TMPPE: variants seen among roughly 807,000 people sequenced by gnomAD.
TMPPE encodes transmembrane protein with metallophosphoesterase domain.
In TMPPE, 16 loss-of-function variants were observed where a neutral mutation model predicts 22.6. The ratio of observed to expected loss-of-function variants is 0.71; its 90% CI spans 0.48 to 1.08. The LOEUF (loss-of-function observed/expected upper bound fraction) is 1.08. Among genes scored for constraint, TMPPE ranks in the 50% least tolerant of loss-of-function variants. The probability of loss-of-function intolerance (pLI) is 0.00; values close to 1 mark genes in which losing one functional copy is unlikely to be tolerated. For missense variants in TMPPE, 526 were observed against 584.3 expected, an observed-to-expected ratio of 0.90 and a Z score of 1.03; for synonymous variants, 240 against 245.3, an observed-to-expected ratio of 0.98 and a Z score of 0.20.
rs749092995 is a variant in TMPPE at position 33,094,049 on chromosome 3, G to C, written c.147C>G (p.Ala49=). Reference sequence around the variant, plus strand: ...TGAGCAAGAGCGAGTTGACAAACAGGGCAAGCTGCAAGCGAAGCAGCCAAC... The same window carrying C: ...TGAGCAAGAGCGAGTTGACAAACAGCGCAAGCTGCAAGCGAAGCAGCCAAC... ...AWRWLLRLQL[A]LFVNSLLLIG... Residue 49 remains alanine (A), a synonymous_variant, in exon 2 of 2, where the codon GCC becomes GCG. Transcript: ENST00000342462. The C allele has an allele frequency of 6.2e-7, 1 of 1,614,228 alleles. No individual in the cohort carries two copies. The highest frequency in any genetic ancestry group is 1.1e-5 in the South Asian group (1 of 91,086).
Position 33,092,140 on chromosome 3 carries a change from A to G in TMPPE, c.*694T>C. On this transcript the variant is annotated 3_prime_UTR_variant, in exon 2 of 2. Transcript: ENST00000342462. ...AGCCATGTTCTCACCATCACCGACC[A>G]TGGCGCCCACCGTTCTTCTCCCCTG... The G allele has an allele frequency of 1.0e-6, 1 of 985,592 alleles. No individual in the cohort carries two copies. The highest frequency in any genetic ancestry group is 1.2e-6 in the Non-Finnish European group (1 of 830,114). 61.1% of individuals were successfully genotyped at this position (985,592 alleles called of 1,614,324 possible).
At position 33,092,190 on chromosome 3, in the gene TMPPE, C is replaced by T. The variant is rs1329135857; in HGVS notation, c.*644G>A. ...GACCTTGCCCCCAAAGGCCCAGGAG[C>T]ACAGACAGTTAAATAGCATCCCTCA... On this transcript the variant is annotated 3_prime_UTR_variant, in exon 2 of 2. Coordinates refer to ENST00000342462, the MANE Select transcript of TMPPE (RefSeq NM_001039770.3). 13 of 985,702 alleles carry T rather than the reference C, an allele frequency of 1.3e-5. No homozygotes were observed. Among genetic ancestry groups the T allele is most frequent in the African/African-American group, 3.5e-5 (2 of 57,240 alleles). 61.1% of individuals were successfully genotyped at this position (985,702 alleles called of 1,614,324 possible). A position where few individuals can be genotyped will look rare whatever the true frequency, so the allele number is the denominator to read the frequency against.
At position 33,094,131 on chromosome 3, in the gene TMPPE, A is replaced by C; in HGVS notation, c.65T>G (p.Val22Gly). ...KATLAAVTVF[V>G]SMIASRSYLA... The stretch of plus-strand genomic sequence containing the variant: ...ATACGAGCGGGAGGCGATCATGGAC[A>C]CGAAGACAGTGACAGCAGCCAGGGT... The change falls in exon 2 of 2, where the codon GTG becomes GGG. Residue 22 changes from valine to glycine, a missense_variant. Val to Gly is a moderately radical substitution (Grantham distance 109). Coordinates refer to ENST00000342462, the MANE Select transcript of TMPPE (RefSeq NM_001039770.3). 6.2e-7 allele frequency: 1 copy of C among 1,613,828 alleles called. No individual in the cohort carries two copies. The highest frequency in any genetic ancestry group is 1.1e-5 in the South Asian group (1 of 91,074).
rs1700819615 is a variant in TMPPE at position 33,092,768 on chromosome 3, C to T, written c.*66G>A. 6.6e-7 allele frequency: 1 copy of T among 1,521,994 alleles called. No homozygotes were observed. The highest frequency in any genetic ancestry group is 1.4e-5 in the African/African-American group (1 of 72,142). The allele number at this position is 1,521,994 out of a possible 1,614,324, so 94.3% of individuals were successfully genotyped here. On this transcript the variant is annotated 3_prime_UTR_variant, in exon 2 of 2. Transcript: ENST00000342462. ...AGGCTGGAGGGGAAAAGCAGGCAAA[C>T]CACTCTGAAGCAGGATGGAGGGTCG...
At position 33,090,795 on chromosome 3, in the gene TMPPE, T is replaced by C. The variant is rs373575013; in HGVS notation, c.*2039A>G. ...GTGTTGATGTTGTTTCTCAGATACATAGGATGGACCTGTTTTCTTTCTGCT... is the reference window on the plus strand; with the variant it reads ...GTGTTGATGTTGTTTCTCAGATACACAGGATGGACCTGTTTTCTTTCTGCT... On this transcript the variant is annotated 3_prime_UTR_variant, in exon 2 of 2. Coordinates refer to ENST00000342462, the MANE Select transcript of TMPPE (RefSeq NM_001039770.3). The C allele has an allele frequency of 1.0e-5, 10 of 985,172 alleles. No individual in the cohort carries two copies. In the Admixed American group the frequency reaches 3.7e-4, roughly 36 times the overall value. The allele number at this position is 985,172 out of a possible 1,614,324, so 61.0% of individuals were successfully genotyped here.
Position 33,097,017 on chromosome 3 carries a change from G to C in TMPPE, c.-407C>G, listed in dbSNP as rs780964758. ...CCGGGTCCCGCAGACTTACGCGCAA[G>C]CCGCGCGTAGGGCCCAGAAGCAGCA... On this transcript the variant is annotated 5_prime_UTR_variant, in exon 1 of 2. Transcript: ENST00000342462. 28 of 1,612,190 alleles carry C rather than the reference G, an allele frequency of 1.7e-5. No individual in the cohort carries two copies. The highest frequency in any genetic ancestry group is 2.3e-5 in the Non-Finnish European group (27 of 1,178,928).
intron 1 of TMPPE, chr3:33,096,328 C>G (rs559856818): frequency 2.1e-6 from 2 of 945,376 alleles, no homozygotes; most frequent in Non-Finnish European, 2.5e-6. Flanking sequence ...TGTGCACGCC[C>G]CGCACCTCAC....
chr3:33,093,104 G>A lies in TMPPE; in HGVS notation c.1092C>T (p.Ile364=). 1 of 1,614,216 alleles carries A rather than the reference G, an allele frequency of 6.2e-7. No individual in the cohort carries two copies. The highest frequency in any genetic ancestry group is 8.5e-7 in the Non-Finnish European group (1 of 1,180,034). The change falls in exon 2 of 2, where the codon ATC becomes ATT. Residue 364 remains isoleucine (I), a synonymous_variant. Coordinates refer to ENST00000342462, the MANE Select transcript of TMPPE (RefSeq NM_001039770.3). The surrounding 1 kb of genome is among the most constrained non-coding windows in gnomAD (Gnocchi z 6.0). ...ALEGCSPDHT[I]ILLAHQPLAA... ...CCAGGGGCTGGTGAGCTAGCAAGAT[G>A]ATTGTGTGGTCTGGGCTGCAGCCCT...
chr3:33,093,638 C>A lies in TMPPE; in HGVS notation c.558G>T (p.Gln186His). Residue 186 changes from glutamine (Q) to histidine (H), a missense_variant, in exon 2 of 2, where the codon CAG becomes CAT. Coordinates refer to ENST00000342462, the MANE Select transcript of TMPPE (RefSeq NM_001039770.3). The surrounding 1 kb of genome is among the most constrained non-coding windows in gnomAD (Gnocchi z 6.0). ...CCTCCACAGTTTTCACAGCCGGGGG[C>A]TGCGCGGCATTCAGAATCCCGGCCA... ...LSVAGILNAA[Q>H]PPAVKTVEVP... is the part of the protein sequence containing the mutation. 6.2e-7 allele frequency: 1 copy of A among 1,614,202 alleles called. No homozygotes were observed. The highest frequency in any genetic ancestry group is 8.5e-7 in the Non-Finnish European group (1 of 1,180,036).
Position 33,093,800 on chromosome 3 carries a change from G to A in TMPPE, c.396C>T (p.Leu132=). ...LGAYIIMLFF[L]FILSGMEQAY... ...CCTGCTCCATGCCGCTGAGGATGAA[G>A]AGGAAGAAGAGCATGATGATGTAAG... Residue 132 remains leucine, a synonymous_variant, in exon 2 of 2, where the codon CTC becomes CTT. Transcript: ENST00000342462. This position sits in a 1 kb window ranked among gnomAD's most constrained non-coding sequence, Gnocchi z 6.0. 16 of 1,613,594 alleles carry A rather than the reference G, an allele frequency of 9.9e-6. No individual in the cohort carries two copies. The highest frequency in any genetic ancestry group is 1.4e-5 in the Non-Finnish European group (16 of 1,179,742).
rs750334331 is a variant in TMPPE, at chr3:33,093,294, T to C, written c.902A>G (p.His301Arg). Residue 301 changes from histidine (H) to arginine (R), a missense_variant, in exon 2 of 2, where the codon CAT becomes CGT. Physicochemically the swap from His to Arg is conservative, Grantham distance 29 (BLOSUM62 0). Coordinates refer to ENST00000342462, the MANE Select transcript of TMPPE (RefSeq NM_001039770.3). This position sits in a 1 kb window ranked among gnomAD's most constrained non-coding sequence, Gnocchi z 6.0. The stretch of plus-strand genomic sequence containing the variant: ...GGCGGAAATCTTCACGTTCTCATTA[T>C]GAAGAGGCTGGACATGCAGGGATTC... ...LLESLHVQPL[H>R]NENVKISATR... 1.2e-6 allele frequency: 2 copies of C among 1,614,194 alleles called. No individual in the cohort carries two copies. The highest frequency in any genetic ancestry group is 1.1e-5 in the South Asian group (1 of 91,082).
At position 33,091,608 on chromosome 3, in the gene TMPPE, T is replaced by A. The variant is rs897775626; in HGVS notation, c.*1226A>T. 102 of 984,128 alleles carry A rather than the reference T, an allele frequency of 1.0e-4. No homozygotes were observed. Among genetic ancestry groups the A allele is most frequent in the Non-Finnish European group, 1.2e-4 (101 of 828,884 alleles). The allele number at this position is 984,128 out of a possible 1,614,324, so 61.0% of individuals were successfully genotyped here. A position where few individuals can be genotyped will look rare whatever the true frequency, so the allele number is the denominator to read the frequency against. The stretch of plus-strand genomic sequence containing the variant: ...GAACTCATGCACAAGGCTTGATGGA[T>A]CCCTCCTGACAAAACAATCTTGAGG... On this transcript the variant is annotated 3_prime_UTR_variant, in exon 2 of 2. Transcript: ENST00000342462.
Position 33,096,331 on chromosome 3 carries a change from C to T in TMPPE, c.-109+388G>A, listed in dbSNP as rs542628905. 8.3e-5 allele frequency: 79 copies of T among 949,380 alleles called. No individual in the cohort carries two copies. The African/African-American group carries it at 1.3e-3, about 16-fold the overall frequency. 58.8% of individuals were successfully genotyped at this position (949,380 alleles called of 1,614,324 possible). A position where few individuals can be genotyped will look rare whatever the true frequency, so the allele number is the denominator to read the frequency against. On this transcript the variant is annotated intron_variant, in intron 1 of 1. Transcript: ENST00000342462. ...TCTCCCACCAACTGTGCACGCCCCGCACCTCACCTATTCGCCTCGCCAGCC... is the reference window on the plus strand; with the variant it reads ...TCTCCCACCAACTGTGCACGCCCCGTACCTCACCTATTCGCCTCGCCAGCC...
chr3:33,090,991 T>A lies in TMPPE; in HGVS notation c.*1843A>T. 1.0e-6 allele frequency: 1 copy of A among 984,994 alleles called. No homozygotes were observed. The allele number at this position is 984,994 out of a possible 1,614,324, so 61.0% of individuals were successfully genotyped here. A position where few individuals can be genotyped will look rare whatever the true frequency, so the allele number is the denominator to read the frequency against. On this transcript the variant is annotated 3_prime_UTR_variant, in exon 2 of 2. Transcript: ENST00000342462. ...GCCCAGGTCACTGATGAGAAAGATG[T>A]AAAATCAAGAAACCAGTGAAATAAC...
In TMPPE at chr3:33,092,106, T is replaced by C; in HGVS notation, c.*728A>G. 1.0e-6 allele frequency: 1 copy of C among 985,412 alleles called. No individual in the cohort carries two copies. The allele number at this position is 985,412 out of a possible 1,614,324, so 61.0% of individuals were successfully genotyped here. A position where few individuals can be genotyped will look rare whatever the true frequency, so the allele number is the denominator to read the frequency against. On this transcript the variant is annotated 3_prime_UTR_variant, in exon 2 of 2. Transcript: ENST00000342462. ...GACAAGGGAGGCAAAGCCCTCTGAA[T>C]TCCTAAGCAGCCATGTTCTCACCAT...
Position 33,093,066 on chromosome 3 carries a change from G to C in TMPPE, c.1130C>G (p.Ala377Gly), listed in dbSNP as rs1334607857. ...GTTAATATCTGGCCGAGCCTGGAGA[G>C]CTCTCTTGGCAGCCAGGGGCTGGTG... ...LAHQPLAAKR[A>G]LQARPDINLI... The change falls in exon 2 of 2, where the codon GCT becomes GGT. Residue 377 changes from alanine (A) to glycine (G), a missense_variant. Physicochemically the swap from Ala to Gly is moderately conservative, Grantham distance 60. Coordinates refer to ENST00000342462, the MANE Select transcript of TMPPE (RefSeq NM_001039770.3). The surrounding 1 kb of genome is among the most constrained non-coding windows in gnomAD (Gnocchi z 6.0). The C allele has an allele frequency of 5.6e-6, 9 of 1,614,116 alleles. No individual in the cohort carries two copies. Among genetic ancestry groups the C allele is most frequent in the Non-Finnish European group, 7.6e-6 (9 of 1,180,042 alleles).
rs555420624 is a variant in TMPPE at position 33,090,475 on chromosome 3, A to G, written c.*2359T>C. 3.3e-4 allele frequency: 328 copies of G among 985,476 alleles called. No homozygotes were observed. The South Asian group carries it at 5.1e-3, about 15-fold the overall frequency. 61.0% of individuals were successfully genotyped at this position (985,476 alleles called of 1,614,324 possible). On this transcript the variant is annotated 3_prime_UTR_variant, in exon 2 of 2. Coordinates refer to ENST00000342462, the MANE Select transcript of TMPPE (RefSeq NM_001039770.3). The stretch of plus-strand genomic sequence containing the variant: ...TATTGAGATTTTGTGACAGCATCAT[A>G]TACTACAGACACTATTGCTGATTTT...
At chr3:33,094,356 C>T (rs1449149630) in intron 1 of TMPPE, 53 bp from the exon 2 acceptor site, 26 of 1,390,172 alleles carry the variant, frequency 1.9e-5, no homozygotes, top group Non-Finnish European at 2.3e-5. Context: ...GTCCTTGTAC[C>T]CATTCAAAAC....
Position 33,092,418 on chromosome 3 carries a change from TAAGTCCTA to T in TMPPE, c.*408_*415del. The T allele has an allele frequency of 2.0e-6, 2 of 995,496 alleles. No individual in the cohort carries two copies. Among genetic ancestry groups the T allele is most frequent in the Non-Finnish European group, 2.4e-6 (2 of 836,424 alleles). 61.7% of individuals were successfully genotyped at this position (995,496 alleles called of 1,614,324 possible). ...TGGATCAATGATTCTGGAAACCACTTAAGTCCTAAAGACAATTTTAAAACACCAGGAGA... is the reference window on the plus strand; with the variant it reads ...TGGATCAATGATTCTGGAAACCACTTAAGACAATTTTAAAACACCAGGAGA... On this transcript the variant is annotated 3_prime_UTR_variant, in exon 2 of 2. Transcript: ENST00000342462.
Sources: gnomAD v4.1 joint callset for allele counts on GRCh38, gnomAD v4.1.1 for gene constraint, Gnocchi (gnomAD v3.1) non-coding constraint, MANE v1.5 for transcripts, NCBI Gene and HGNC (gene_info 2026-07-23, HGNC 2026-07-21) for gene names.